Variants in CTNNA2 observed in about 807,000 individuals in gnomAD.
The protein encoded by CTNNA2 is catenin alpha 2, also known as catenin alpha-2.
In CTNNA2, 42 loss-of-function variants were observed where a neutral mutation model predicts 101.0. The ratio of observed to expected loss-of-function variants is 0.42; its 90% CI spans 0.32 to 0.54. CTNNA2 has a LOEUF of 0.54. Ranked by LOEUF, CTNNA2 falls within the 20% of genes least tolerant of loss-of-function variation. The pLI is 0.14. For missense variants in CTNNA2, 871 were observed against 1,223.1 expected (o/e 0.71, Z 4.29); for synonymous variants, 450 against 456.4 (o/e 0.99, Z 0.18).
chr2:79,972,849 G>T (rs535787215), intron 7 of CTNNA2, among the ~76,000 whole-genome samples: 5 of 152,124 alleles, frequency 3.3e-5, no homozygotes, highest in Non-Finnish European at 7.4e-5. Flanking sequence ...TACTGTTAGT[G>T]TTCACCCGGT....
At chr2:79,690,413 C>G (rs1014122585) in intron 2 of CTNNA2, among the ~76,000 whole-genome samples, 4 of 151,938 alleles carry the variant, frequency 2.6e-5, no homozygotes, top group Non-Finnish European at 5.9e-5. Context: ...ACCAGTATTT[C>G]CATACGAAAG....
chr2:80,300,567 G>T (rs796400557), intron 7 of CTNNA2, among the ~76,000 whole-genome samples: 73 of 152,076 alleles, frequency 4.8e-4, no homozygotes, highest in African/African-American at 1.6e-3. Context: ...TTGGGGGATG[G>T]TAGTGTGTGG....
chr2:79,326,079 C>A (rs1243970671), intron 3 of CTNNA2, among the ~76,000 whole-genome samples: 1 of 152,130 alleles, frequency 6.6e-6, no homozygotes, highest in Non-Finnish European at 1.5e-5. Flanking sequence ...GTTACATCAG[C>A]ATTTATTTGT....
At position 79,776,665 on chromosome 2, in the gene CTNNA2, CAATG is replaced by C. The variant is rs1005945894; in HGVS notation, c.298+32086_298+32089del. Among the ~76,000 whole-genome samples, 11 of 152,280 alleles carry C rather than the reference CAATG, an allele frequency of 7.2e-5. No individual in the cohort carries two copies. The East Asian group carries it at 1.2e-3, about 16-fold the overall frequency. ...TGGCTTGTTAATCATATTTCAAAAA[CAATG>C]AAACAATGGCATCATATTTTTGTAA... is the stretch of plus-strand genomic sequence containing the variant. On this transcript the variant is annotated intron_variant, in intron 3 of 18. Coordinates refer to ENST00000402739, the MANE Select transcript of CTNNA2 (RefSeq NM_001282597.3).
chr2:79,358,697 T>C (rs541158048), intron 3 of CTNNA2, among the ~76,000 whole-genome samples: 150 of 152,288 alleles, frequency 9.8e-4, no homozygotes, highest in Non-Finnish European at 1.9e-3. Context: ...AGCAGCCAAT[T>C]TAAGTCTAAA....
intron 1 of CTNNA2, among the ~76,000 whole-genome samples, chr2:79,600,004 T>C (rs2104067835): frequency 6.6e-6 from 1 of 152,312 alleles, no homozygotes; most frequent in Middle Eastern, 3.4e-3. Flanking sequence ...TCCACATATC[T>C]GAAGAGTCAT....
chr2:80,116,444 A>G (rs1241685315), intron 7 of CTNNA2, among the ~76,000 whole-genome samples: 1 of 152,080 alleles, frequency 6.6e-6, no homozygotes, highest in African/African-American at 2.4e-5. Flanking sequence ...CTCTTTTAAC[A>G]GAGTGGTGCA....
At chr2:80,464,998 T>A (rs2149477635) in intron 9 of CTNNA2, among the ~76,000 whole-genome samples, 1 of 152,286 alleles carries the variant, frequency 6.6e-6, no homozygotes, top group Admixed American at 6.5e-5. Flanking sequence ...TAAATACTAA[T>A]TTCACAGTAT....
chr2:79,659,752 T>A (rs979858450), intron 2 of CTNNA2, among the ~76,000 whole-genome samples: 2 of 152,292 alleles, frequency 1.3e-5, no homozygotes, highest in Non-Finnish European at 2.9e-5. Context: ...ATCCCAACAT[T>A]TTGGGAGGCC....
Position 80,647,803 on chromosome 2 carries a change from A to T in CTNNA2, c.2793A>T (p.Arg931=). 6.2e-7 allele frequency: 1 copy of T among 1,613,658 alleles called. No individual in the cohort carries two copies. The highest frequency in any genetic ancestry group is 2.2e-5 in the East Asian group (1 of 44,880). Residue 931 remains arginine, a synonymous_variant, in exon 19 of 19, where the codon CGA becomes CGT. Coordinates refer to ENST00000402739, the MANE Select transcript of CTNNA2 (RefSeq NM_001282597.3). ...KPEEFQTRVR[R]GSQKKHISPV... ...AAGAATTCCAGACACGAGTTCGACG[A>T]GGTTCTCAGAAGAAACACATTTCGC...
At chr2:79,729,068 A>G (rs1248259348) in intron 2 of CTNNA2, among the ~76,000 whole-genome samples, 1 of 152,152 alleles carries the variant, frequency 6.6e-6, no homozygotes, top group Non-Finnish European at 1.5e-5. Flanking sequence ...TTTTATTAGC[A>G]CATAGAATGT....
chr2:79,660,918 A>G (rs1357463451), intron 2 of CTNNA2, among the ~76,000 whole-genome samples: 2 of 152,244 alleles, frequency 1.3e-5, no homozygotes, highest in Non-Finnish European at 2.9e-5. Flanking sequence ...ATGTTTATCC[A>G]TAAAGAAATT....
chr2:80,195,828 C>T (rs996442736), intron 7 of CTNNA2, among the ~76,000 whole-genome samples: 1 of 152,034 alleles, frequency 6.6e-6, no homozygotes, highest in Non-Finnish European at 1.5e-5. Flanking sequence ...CACCTGTAAT[C>T]CCAGAATTTT....
At chr2:80,563,707 C>T (rs1440123508) in intron 12 of CTNNA2, among the ~76,000 whole-genome samples, 1 of 152,088 alleles carries the variant, frequency 6.6e-6, no homozygotes, top group Non-Finnish European at 1.5e-5. Context: ...TTTTACCTTT[C>T]CTCTAATTCT....
intron 7 of CTNNA2, among the ~76,000 whole-genome samples, chr2:80,113,560 T>C (rs778325536): frequency 2.7e-4 from 41 of 152,234 alleles, no homozygotes; most frequent in Non-Finnish European, 3.2e-4. Context: ...AATAAAGTTT[T>C]ATTGGAACAC....
intron 9 of CTNNA2, among the ~76,000 whole-genome samples, chr2:80,540,813 G>T (rs1245630016): frequency 3.3e-5 from 5 of 152,074 alleles, no homozygotes; most frequent in African/African-American, 4.8e-5. Flanking sequence ...TCCTGCTTCA[G>T]CCTCCTGAGT....
At chr2:80,080,763 A>G (rs1287831655) in intron 7 of CTNNA2, among the ~76,000 whole-genome samples, 1 of 152,128 alleles carries the variant, frequency 6.6e-6, no homozygotes, top group Non-Finnish European at 1.5e-5. Context: ...AAGCTTTTAA[A>G]AGCAAGAACT....
At chr2:80,378,229 G>A (rs1899905) in intron 7 of CTNNA2, among the ~76,000 whole-genome samples, 14,828 of 151,918 alleles carry the variant, frequency 0.098, 2,123 homozygotes, top group African/African-American at 0.31. Flanking sequence ...ATGGTGGCGC[G>A]CCTTTAATCC....
At chr2:79,661,422 A>G (rs1171089938) in intron 2 of CTNNA2, among the ~76,000 whole-genome samples, 1 of 152,242 alleles carries the variant, frequency 6.6e-6, no homozygotes. Flanking sequence ...TTAGTAGAAG[A>G]TAAAAGAGGA....
Sources: gnomAD v4.1 joint callset for allele counts (sites outside exome capture counted in the v4.1 genomes callset) on GRCh38, gnomAD v4.1.1 for gene constraint, MANE v1.5 for transcripts, NCBI Gene and HGNC (gene_info 2026-07-23, HGNC 2026-07-21) for gene names.